Variants in KIAA0753 observed in about 807,000 individuals in gnomAD.
The protein encoded by KIAA0753 is KIAA0753.
Under a neutral mutation model 116.9 loss-of-function variants are expected in KIAA0753, and 114 were observed. The observed-to-expected ratio is 0.98, with a 90% CI of 0.84 to 1.14. The LOEUF (loss-of-function observed/expected upper bound fraction) is 1.14. Among genes scored for constraint, KIAA0753 ranks in the 50% most tolerant of loss-of-function variants. The probability of loss-of-function intolerance (pLI) is 0.00; values close to 1 mark genes in which losing one functional copy is unlikely to be tolerated. For missense variants in KIAA0753, 1,156 were observed against 1,172.4 expected, an observed-to-expected ratio of 0.99 and a Z score of 0.20; for synonymous variants, 405 against 413.1, an observed-to-expected ratio of 0.98 and a Z score of 0.24.
At chr17:6,623,952 CA>C (rs1489683165) in intron 4 of KIAA0753, 1 of 162,902 alleles carries the variant, frequency 6.1e-6, no homozygotes, top group Non-Finnish European at 1.3e-5. Flanking sequence ...AGAGGTCTGA[CA>C]TGGTAAGATT....
intron 18 of KIAA0753, among the ~76,000 whole-genome samples, chr17:6,587,620 C>T (rs1968676412): frequency 6.6e-6 from 1 of 152,218 alleles, no homozygotes; most frequent in South Asian, 2.1e-4. Context: ...GCGTTTACTT[C>T]TTCTCTTCTC....
intron 8 of KIAA0753, 46 bp from the exon 9 acceptor site, chr17:6,610,206 A>G: frequency 6.3e-7 from 1 of 1,589,944 alleles, no homozygotes. Context: ...AATACCAAAG[A>G]AACTATGGTT....
At chr17:6,584,474 T>A (rs1287096618) in intron 18 of KIAA0753, among the ~76,000 whole-genome samples, 1 of 152,248 alleles carries the variant, frequency 6.6e-6, no homozygotes, top group African/African-American at 2.4e-5. Flanking sequence ...TTCCTATCAC[T>A]AATTTATACC....
Position 6,610,180 on chromosome 17 carries a change from A to G in KIAA0753, c.1546-20T>C. 6.2e-7 allele frequency: 1 copy of G among 1,613,216 alleles called. No homozygotes were observed. Among genetic ancestry groups the G allele is most frequent in the African/African-American group, 1.3e-5 (1 of 75,004 alleles). ...GAGTCCCTGTGAGAGATAAGTAAGA[A>G]TTATAAGGCCACACAAATACCAAAG... On this transcript the variant is annotated intron_variant, in intron 8 of 18. Transcript: ENST00000361413.
intron 7 of KIAA0753, among the ~76,000 whole-genome samples, chr17:6,619,601 ATT>A (rs982763096): frequency 2.0e-5 from 3 of 151,840 alleles, no homozygotes; most frequent in Non-Finnish European, 4.4e-5. Flanking sequence ...TACTTTTTGC[ATT>A]TTTTGTAGAG....
At position 6,600,401 on chromosome 17, in the gene KIAA0753, C is replaced by T. The variant is rs1488518176; in HGVS notation, c.2067G>A (p.Lys689=). 1.9e-6 allele frequency: 3 copies of T among 1,613,916 alleles called. No homozygotes were observed. The highest frequency in any genetic ancestry group is 2.5e-6 in the Non-Finnish European group (3 of 1,179,810). The stretch of plus-strand genomic sequence containing the variant: ...TTACCTGGGCCTTGACCAAGAGAGG[C>T]TTCAAACGATCCAGAACTGCCTCCT... ...KVEEAVLDRL[K]PLLVKAQRVN... is the part of the protein sequence containing the mutation. The change falls in exon 13 of 19, where the codon AAG becomes AAA. Residue 689 remains lysine (K), a synonymous_variant. Transcript: ENST00000361413.
intron 12 of KIAA0753, among the ~76,000 whole-genome samples, chr17:6,601,341 G>T (rs974986883): frequency 6.6e-6 from 1 of 152,210 alleles, no homozygotes; most frequent in African/African-American, 2.4e-5. Flanking sequence ...CCCAATCACA[G>T]TTGAGGCTGT....
chr17:6,602,780 C>T (rs1009853810), intron 12 of KIAA0753, among the ~76,000 whole-genome samples: 6 of 152,070 alleles, frequency 3.9e-5, no homozygotes, highest in African/African-American at 7.2e-5. Flanking sequence ...AATTATACCA[C>T]GATAGAAACA....
At chr17:6,604,905 C>G (rs1471671592) in intron 12 of KIAA0753, among the ~76,000 whole-genome samples, 1 of 151,860 alleles carries the variant, frequency 6.6e-6, no homozygotes, top group Non-Finnish European at 1.5e-5. Flanking sequence ...GGTTTATCAG[C>G]TAATAAAGAC....
chr17:6,622,892 T>C lies in KIAA0753; in HGVS notation c.1094A>G (p.Gln365Arg). 5.6e-6 allele frequency: 9 copies of C among 1,611,678 alleles called. No homozygotes were observed. Among genetic ancestry groups the C allele is most frequent in the Non-Finnish European group, 7.6e-6 (9 of 1,177,804 alleles). The change falls in exon 6 of 19, where the codon CAA becomes CGA. Residue 365 changes from glutamine to arginine, a missense_variant. Gln to Arg is a conservative substitution (Grantham distance 43). Coordinates refer to ENST00000361413, the MANE Select transcript of KIAA0753 (RefSeq NM_014804.3). ...GAATTAATTCCATACCTCAATTTGT[T>C]GCAGAATATCTATAACCACATCAGG... is the stretch of plus-strand genomic sequence containing the variant. ...SVPDVVIDIL[Q>R]QIEALESLLE...
At chr17:6,609,734 C>CT (rs897817675) in intron 9 of KIAA0753, among the ~76,000 whole-genome samples, 1 of 152,184 alleles carries the variant, frequency 6.6e-6, no homozygotes, top group African/African-American at 2.4e-5. Context: ...GGAAGCCCCC[C>CT]ATCTTCCATT....
intron 7 of KIAA0753, 106 bp downstream of exon 7, chr17:6,620,682 T>C: frequency 2.8e-6 from 3 of 1,059,012 alleles, no homozygotes; most frequent in Non-Finnish European, 1.4e-6. Flanking sequence ...TCATCTGTTG[T>C]GGGCTAGGTC....
intron 10 of KIAA0753, among the ~76,000 whole-genome samples, chr17:6,607,571 C>A (rs930540752): frequency 6.6e-6 from 1 of 152,144 alleles, no homozygotes; most frequent in African/African-American, 2.4e-5. Flanking sequence ...GCTATATCTT[C>A]AAGTTGAGAC....
At chr17:6,603,297 G>T (rs981010613) in intron 12 of KIAA0753, among the ~76,000 whole-genome samples, 4 of 152,066 alleles carry the variant, frequency 2.6e-5, no homozygotes, top group African/African-American at 9.7e-5. Flanking sequence ...AATAAAGCAC[G>T]AAAACTTCTC....
At chr17:6,621,126 T>G in intron 6 of KIAA0753, 128 bp from the exon 7 acceptor site, 1 of 768,936 alleles carries the variant, frequency 1.3e-6, no homozygotes, top group East Asian at 2.7e-5. Flanking sequence ...GTTAACACAA[T>G]CTTAATTAAA....
Position 6,607,179 on chromosome 17 carries a change from A to C in KIAA0753, c.1919+2T>G. 1 of 1,610,178 alleles carries C rather than the reference A, an allele frequency of 6.2e-7. No homozygotes were observed. On this transcript the variant is annotated splice_donor_variant, in intron 11 of 18. Transcript: ENST00000361413. LOFTEE classifies it high-confidence loss of function. ...TTTCCTAACTCAGAAGCAAATATTTACCTCTGTTTTTGCATGCTGTCAATT... is the reference window on the plus strand; with the variant it reads ...TTTCCTAACTCAGAAGCAAATATTTCCCTCTGTTTTTGCATGCTGTCAATT...
chr17:6,625,280 C>T (rs80073606), intron 3 of KIAA0753, among the ~76,000 whole-genome samples: 1,996 of 152,270 alleles, frequency 0.013, 54 homozygotes, highest in African/African-American at 0.045. Context: ...TAATAAATGC[C>T]TATTGATCAG....
chr17:6,590,580 T>G lies in KIAA0753; in HGVS notation c.2491A>C (p.Arg831=). The G allele has an allele frequency of 1.9e-6, 3 of 1,614,078 alleles. No individual in the cohort carries two copies. The highest frequency in any genetic ancestry group is 2.5e-6 in the Non-Finnish European group (3 of 1,179,944). Residue 831 remains arginine, a synonymous_variant, in exon 17 of 19, where the codon AGA becomes CGA. Transcript: ENST00000361413. ...TTGCGATCCACTGTCTTCGTGATTC[T>G]GATTGGATGAGGAGATAGAGGCTTT... ...SEKPLSPHPI[R]ITKTVDRKDP... is the part of the protein sequence containing the mutation.
intron 16 of KIAA0753, among the ~76,000 whole-genome samples, chr17:6,592,670 A>G (rs1487298676): frequency 6.6e-6 from 1 of 152,196 alleles, no homozygotes; most frequent in East Asian, 1.9e-4. Flanking sequence ...ACTTTTATGC[A>G]AGATGGATCA....
Sources: allele counts gnomAD v4.1 joint callset (sites outside exome capture counted in the v4.1 genomes callset), GRCh38; gene constraint gnomAD v4.1.1; transcripts MANE v1.5; gene names NCBI Gene and HGNC (gene_info 2026-07-23, HGNC 2026-07-21).